The following MEI4 variants were observed in gnomAD, a reference collection of about 807,000 sequenced individuals.
The protein encoded by MEI4 is meiotic double-stranded break formation protein 4.
In MEI4, 27 loss-of-function variants were observed where a neutral mutation model predicts 31.4. The ratio of observed to expected loss-of-function variants is 0.86; its 90% CI spans 0.63 to 1.19. The LOEUF is 1.19. Among genes scored for constraint, MEI4 ranks in the 50% most tolerant of loss-of-function variants. The probability of loss-of-function intolerance (pLI) is 0.00; values close to 1 mark genes in which losing one functional copy is unlikely to be tolerated. For missense variants in MEI4, 329 were observed against 398.9 expected, an observed-to-expected ratio of 0.82 and a Z score of 1.49; for synonymous variants, 122 against 145.4, an observed-to-expected ratio of 0.84 and a Z score of 1.16.
intron 4 of MEI4, among the ~76,000 whole-genome samples, chr6:77,865,633 T>C (rs1368754050): frequency 1.3e-5 from 2 of 152,172 alleles, no homozygotes; most frequent in African/African-American, 2.4e-5. Context: ...GATTCACAGC[T>C]GAGTTCTACC....
intron 4 of MEI4, among the ~76,000 whole-genome samples, chr6:77,832,855 C>T (rs369312755): frequency 6.6e-6 from 1 of 152,090 alleles, no homozygotes; most frequent in Non-Finnish European, 1.5e-5. Context: ...TGTGTTGTCT[C>T]ACCTACTTTT....
intron 2 of MEI4, among the ~76,000 whole-genome samples, chr6:77,734,731 G>A (rs1582076363): frequency 6.6e-6 from 1 of 151,838 alleles, no homozygotes; most frequent in Non-Finnish European, 1.5e-5. Context: ...TCCTAGTCTC[G>A]ATGGTCTTTA....
intron 3 of MEI4, among the ~76,000 whole-genome samples, chr6:77,764,403 T>G (rs973964464): frequency 1.3e-5 from 2 of 152,194 alleles, no homozygotes; most frequent in African/African-American, 4.8e-5. Flanking sequence ...AAGCAAACTC[T>G]TATTTTTTTT....
chr6:77,746,353 T>G (rs1767603375), intron 2 of MEI4, among the ~76,000 whole-genome samples: 1 of 152,162 alleles, frequency 6.6e-6, no homozygotes, highest in Non-Finnish European at 1.5e-5. Flanking sequence ...AAATGTAGGT[T>G]GGCCTCATCC....
chr6:77,851,977 C>T (rs1395281592), intron 4 of MEI4, among the ~76,000 whole-genome samples: 1 of 152,106 alleles, frequency 6.6e-6, no homozygotes, highest in Non-Finnish European at 1.5e-5. Flanking sequence ...AAGTTCTATA[C>T]ATAGTGGACC....
intron 4 of MEI4, among the ~76,000 whole-genome samples, chr6:77,913,535 ATTTAT>A (rs1766475454): frequency 6.6e-6 from 1 of 152,068 alleles, no homozygotes; most frequent in East Asian, 1.9e-4. Flanking sequence ...GTGTCCAGGA[ATTTAT>A]TTATCTCCTC....
chr6:77,667,559 A>G (rs1217265330), intron 1 of MEI4, among the ~76,000 whole-genome samples: 1 of 152,198 alleles, frequency 6.6e-6, no homozygotes, highest in Non-Finnish European at 1.5e-5. Flanking sequence ...GTGTGTTAGA[A>G]ATAACACAAA....
rs1213886555 is a variant in MEI4, at chr6:77,719,104, T to C, written c.232+28201T>C. On this transcript the variant is annotated intron_variant, in intron 2 of 4. Transcript: ENST00000684080. ...CGCTATCAACAGCTGGACTCACTTG[T>C]GCACTTGGACACGACTGAGTTTGTC... Among the ~76,000 whole-genome samples, 4 of 140,696 alleles carry C rather than the reference T, an allele frequency of 2.8e-5. 2 individuals carry two copies. The allele number at this position is 140,696 out of a possible 152,430, so 92.3% of individuals were successfully genotyped here.
intron 2 of MEI4, among the ~76,000 whole-genome samples, chr6:77,692,809 G>A (rs1436487474): frequency 6.6e-6 from 1 of 152,026 alleles, no homozygotes; most frequent in Non-Finnish European, 1.5e-5. Flanking sequence ...CTGAGTGTAG[G>A]CTAATCCCTG....
chr6:77,748,828 T>A (rs1307011952), intron 2 of MEI4, among the ~76,000 whole-genome samples: 1 of 152,186 alleles, frequency 6.6e-6, no homozygotes, highest in African/African-American at 2.4e-5. Flanking sequence ...TCTTTGAAGT[T>A]CAAAGTTCCC....
intron 4 of MEI4, among the ~76,000 whole-genome samples, chr6:77,880,270 G>A (rs1192022172): frequency 2.7e-5 from 4 of 147,864 alleles, no homozygotes; most frequent in African/African-American, 7.5e-5. Flanking sequence ...TCACTGTGTC[G>A]CCCAGGCTGG....
At chr6:77,736,771 A>C (rs1413809855) in intron 2 of MEI4, among the ~76,000 whole-genome samples, 1 of 152,106 alleles carries the variant, frequency 6.6e-6, no homozygotes, top group Non-Finnish European at 1.5e-5. Flanking sequence ...TTACATCATT[A>C]ATTGTACCCA....
chr6:77,898,365 C>G (rs1766126285), intron 4 of MEI4, among the ~76,000 whole-genome samples: 1 of 151,900 alleles, frequency 6.6e-6, no homozygotes, highest in Admixed American at 6.6e-5. Flanking sequence ...TTTAAAGTAC[C>G]ATGTTGAATG....
intron 2 of MEI4, among the ~76,000 whole-genome samples, chr6:77,760,165 A>C (rs1768008895): frequency 6.6e-6 from 1 of 152,100 alleles, no homozygotes; most frequent in African/African-American, 2.4e-5. Flanking sequence ...AGTTTCATGG[A>C]TCTATACCAC....
At chr6:77,737,212 T>G (rs1326772891) in intron 2 of MEI4, among the ~76,000 whole-genome samples, 1 of 152,208 alleles carries the variant, frequency 6.6e-6, no homozygotes, top group African/African-American at 2.4e-5. Context: ...ATACTTTCCA[T>G]AAGTTATTTA....
upstream of MEI4, among the ~76,000 whole-genome samples, chr6:77,651,275 T>C (rs1768293734): frequency 6.6e-6 from 1 of 152,174 alleles, no homozygotes; most frequent in Admixed American, 6.5e-5. Flanking sequence ...CACATATGTA[T>C]GGAGAAAACA....
upstream of MEI4, among the ~76,000 whole-genome samples, chr6:77,651,581 G>A (rs993523900): frequency 1.3e-5 from 2 of 152,096 alleles, no homozygotes; most frequent in African/African-American, 2.4e-5. Context: ...ATTTAAAATC[G>A]AGAGATTTAC....
chr6:77,686,016 A>T (rs1414226435), intron 1 of MEI4, among the ~76,000 whole-genome samples: 1 of 152,022 alleles, frequency 6.6e-6, no homozygotes, highest in Non-Finnish European at 1.5e-5. Context: ...TCCCTGTGGT[A>T]ACCATTTCAC....
intron 2 of MEI4, among the ~76,000 whole-genome samples, chr6:77,745,872 T>G (rs1767585286): frequency 6.6e-6 from 1 of 152,042 alleles, no homozygotes; most frequent in Admixed American, 6.6e-5. Flanking sequence ...GAATGACTAC[T>G]GGGTACATAA....
Sources: gnomAD v4.1 joint callset for allele counts (sites outside exome capture counted in the v4.1 genomes callset) on GRCh38, gnomAD v4.1.1 for gene constraint, MANE v1.5 for transcripts, NCBI Gene and HGNC (gene_info 2026-07-23, HGNC 2026-07-21) for gene names.